Variants in TTC34 observed in about 807,000 individuals in gnomAD.
The protein encoded by TTC34 is tetratricopeptide repeat protein 34.
TTC34 carries 44 observed loss-of-function variants against 40.7 expected under a neutral mutation model. The ratio of observed to expected loss-of-function variants is 1.08; its 90% CI spans 0.85 to 1.39. The LOEUF (loss-of-function observed/expected upper bound fraction) is 1.39. Ranked by LOEUF, TTC34 falls within the 40% of genes most tolerant of loss-of-function variation. The probability of loss-of-function intolerance (pLI) is 0.00; values close to 1 mark genes in which losing one functional copy is unlikely to be tolerated. For missense variants in TTC34, 884 were observed against 838.0 expected, an observed-to-expected ratio of 1.05 and a Z score of -0.68; for synonymous variants, 422 against 398.6, an observed-to-expected ratio of 1.06 and a Z score of -0.70.
chr1:2,785,316 C>CACCCCA lies in TTC34; in HGVS notation c.2059+502_2059+503insTGGGGT, dbSNP rs57511628. Among the ~76,000 whole-genome samples the CACCCCA allele has an allele frequency of 3.9e-5, 6 of 152,270 alleles. No individual in the cohort carries two copies. In the South Asian group the frequency reaches 1.0e-3, roughly 26 times the overall value. On this transcript the variant is annotated intron_variant, in intron 5 of 8. Transcript: ENST00000401095. ...CTCCCTGTACCCCAGGAGATCCCTG[C>CACCCCA]GAGTCCTGGGAAACATCGCCTTCCC...
At chr1:2,651,546 C>T (rs1200645148) in intron 6 of TTC34, among the ~76,000 whole-genome samples, 2 of 150,984 alleles carry the variant, frequency 1.3e-5, no homozygotes, top group Non-Finnish European at 3.0e-5. Flanking sequence ...CAGCCTGGAT[C>T]AGCACTTCAA....
In TTC34 at chr1:2,750,515, G is replaced by T. The variant is rs1641280830; in HGVS notation, c.2226+33094C>A. ...GTTGAGCATTGGACAGCCTGGATCA[G>T]CACCCACATCCCCAAGCGAGCATCC... On this transcript the variant is annotated intron_variant, in intron 6 of 8. Coordinates refer to ENST00000401095, the Ensembl canonical transcript of TTC34. Among the ~76,000 whole-genome samples the T allele has an allele frequency of 2.0e-5, 3 of 147,802 alleles. 1 individual carries two copies. The highest frequency in any genetic ancestry group is 4.4e-5 in the Non-Finnish European group (3 of 67,442).
intron 2 of TTC34, among the ~76,000 whole-genome samples, chr1:2,793,193 C>T (rs1370610818): frequency 6.6e-6 from 1 of 152,010 alleles, no homozygotes; most frequent in African/African-American, 2.4e-5. Flanking sequence ...ATTTTTTTCC[C>T]CAATCTGGTG....
intron 6 of TTC34, among the ~76,000 whole-genome samples, chr1:2,686,644 C>T (rs571527469): frequency 1.3e-5 from 2 of 151,564 alleles, no homozygotes; most frequent in South Asian, 2.1e-4. Context: ...ACCCACACAC[C>T]CAGGTGAGCA....
intron 6 of TTC34, among the ~76,000 whole-genome samples, chr1:2,767,591 A>G (rs1397562469): frequency 6.7e-5 from 7 of 104,728 alleles, no homozygotes; most frequent in Admixed American, 1.9e-4. Context: ...ACAGTCTGGA[A>G]CAGCATCCAC....
In TTC34 at chr1:2,692,354, G is replaced by A. The variant is rs555992396; in HGVS notation, c.2227-46791C>T. ...GAGCAGCGCCCACACACCGAGGTGA[G>A]CATCTGACAGCCTGGAGCAGCGTCC... On this transcript the variant is annotated intron_variant, in intron 6 of 8. Transcript: ENST00000401095. 1.3e-3 allele frequency among the ~76,000 whole-genome samples: 94 copies of A among 71,828 alleles called. 26 individuals carry two copies. Among genetic ancestry groups the A allele is most frequent in the African/African-American group, 4.2e-3 (91 of 21,800 alleles). The allele number at this position is 71,828 out of a possible 152,430, so 47.1% of individuals were successfully genotyped here.
At chr1:2,757,772 C>A (rs1271378557) in intron 6 of TTC34, among the ~76,000 whole-genome samples, 1 of 127,638 alleles carries the variant, frequency 7.8e-6, no homozygotes, top group Admixed American at 7.7e-5. Flanking sequence ...GCATCTGAAC[C>A]CACGGAGCAG....
chr1:2,681,908 C>T (rs1369598492), intron 6 of TTC34, among the ~76,000 whole-genome samples: 1 of 117,198 alleles, frequency 8.5e-6, no homozygotes, highest in Non-Finnish European at 1.9e-5. Context: ...GCCTGCACCA[C>T]CAGGTGCGCA....
At chr1:2,695,792 A>T (rs1344341556) in intron 6 of TTC34, among the ~76,000 whole-genome samples, 5 of 151,654 alleles carry the variant, frequency 3.3e-5, no homozygotes, top group Non-Finnish European at 4.4e-5. Flanking sequence ...AGCAGCACGC[A>T]CACCCCCAGT....
At chr1:2,767,785 C>T (rs1264367678) in intron 6 of TTC34, among the ~76,000 whole-genome samples, 2 of 147,760 alleles carry the variant, frequency 1.4e-5, no homozygotes, top group African/African-American at 4.9e-5. Flanking sequence ...GAGCATCTGA[C>T]AGCCTGGGGC....
intron 3 of TTC34, among the ~76,000 whole-genome samples, chr1:2,789,284 C>A (rs1419868386): frequency 6.6e-6 from 1 of 152,142 alleles, no homozygotes; most frequent in Non-Finnish European, 1.5e-5. Context: ...ATGCACCAAA[C>A]GAAAGGCCTG....
chr1:2,653,234 A>C (rs1184746287), intron 6 of TTC34, among the ~76,000 whole-genome samples: 1 of 141,278 alleles, frequency 7.1e-6, no homozygotes, highest in Admixed American at 7.2e-5. Flanking sequence ...ACAGACTGGA[A>C]CAGCACCCAC....
At chr1:2,693,178 ACCC>A in intron 6 of TTC34, among the ~76,000 whole-genome samples, 1 of 99,432 alleles carries the variant, frequency 1.0e-5, no homozygotes, top group Non-Finnish European at 2.0e-5. Flanking sequence ...CTGGGTCCGC[ACCC>A]ACACCCCCAG....
intron 6 of TTC34, among the ~76,000 whole-genome samples, chr1:2,655,677 TG>T (rs1218974052): frequency 1.3e-5 from 2 of 148,196 alleles, no homozygotes; most frequent in African/African-American, 5.2e-5. Flanking sequence ...TCTGACAGCC[TG>T]GAACAGCACC....
At chr1:2,751,753 G>A (rs1434244544) in intron 6 of TTC34, among the ~76,000 whole-genome samples, 1 of 122,660 alleles carries the variant, frequency 8.2e-6, no homozygotes, top group Non-Finnish European at 1.8e-5. Context: ...TGACATCGTA[G>A]AGCAGCACCC....
At chr1:2,637,897 G>C (rs1174769330) in exon 9 of TTC34, 1 of 152,298 alleles carries the variant, frequency 6.6e-6, no homozygotes, top group East Asian at 1.9e-4. Flanking sequence ...ACTGAAACGT[G>C]GGCACTGAGT....
chr1:2,755,992 T>G (rs1641493034), intron 6 of TTC34, among the ~76,000 whole-genome samples: 2 of 76,098 alleles, frequency 2.6e-5, no homozygotes, highest in South Asian at 1.1e-3. Flanking sequence ...GCAACCCAGG[T>G]GAGCATCTGA....
At position 2,796,176 on chromosome 1, in the gene TTC34, T is replaced by A. The variant is rs1199325603; in HGVS notation, c.784+3868A>T. On this transcript the variant is annotated intron_variant, in intron 2 of 8. Transcript: ENST00000401095. This position sits in a 1 kb window ranked among gnomAD's most constrained non-coding sequence, Gnocchi z 4.5. The stretch of plus-strand genomic sequence containing the variant: ...GTTTTGGGCTTCCAGCGTCCAGAAC[T>A]GGAGCTCATTCATTTCTACTCATTA... 6.6e-6 allele frequency among the ~76,000 whole-genome samples: 1 copy of A among 152,190 alleles called. No homozygotes were observed. Among genetic ancestry groups the A allele is most frequent in the Non-Finnish European group, 1.5e-5 (1 of 68,026 alleles).
chr1:2,755,162 C>A (rs1167025081), intron 6 of TTC34, among the ~76,000 whole-genome samples: 1 of 39,366 alleles, frequency 2.5e-5, no homozygotes, highest in Non-Finnish European at 4.3e-5. Context: ...CATGTGACAG[C>A]CTGGATCAGC....
Sources: allele counts gnomAD v4.1 joint callset (sites outside exome capture counted in the v4.1 genomes callset), GRCh38; gene constraint gnomAD v4.1.1; non-coding constraint Gnocchi (gnomAD v3.1); transcripts MANE v1.5; gene names NCBI Gene and HGNC (gene_info 2026-07-23, HGNC 2026-07-21).